The following SMIM22 variants were observed in gnomAD, a reference collection of about 807,000 sequenced individuals.
SMIM22 encodes small integral membrane protein 22.
SMIM22 carries 16 observed loss-of-function variants against 8.4 expected under a neutral mutation model. The ratio of observed to expected loss-of-function variants is 1.90; its 90% confidence interval spans 1.29 to 2.89. SMIM22 has a LOEUF of 2.89. SMIM22 is among the 30% of genes most tolerant of loss of function. SMIM22 has a pLI of 0.00. For synonymous variants in SMIM22, 67 were observed against 47.6 expected (o/e 1.41, Z -1.68); for missense variants, 159 against 107.5 (o/e 1.48, Z -2.12).
upstream of SMIM22, among the ~76,000 whole-genome samples, chr16:4,794,572 C>T (rs533487067): frequency 2.6e-5 from 4 of 152,252 alleles, no homozygotes; most frequent in Non-Finnish European, 5.9e-5. Context: ...AGGAATGTGC[C>T]ACCACGCCTG....
chr16:4,790,374 C>T (rs1048299406), upstream of SMIM22, among the ~76,000 whole-genome samples: 5 of 152,194 alleles, frequency 3.3e-5, no homozygotes, highest in Non-Finnish European at 5.9e-5. Context: ...GAAAGGTGGC[C>T]GTGGTTCCAG....
At chr16:4,792,416 T>A (rs563151680), upstream of SMIM22, among the ~76,000 whole-genome samples, 520 of 149,616 alleles carry the variant, frequency 3.5e-3, 9 homozygotes, top group Admixed American at 0.012. Context: ...GGTCTCGATC[T>A]CCTGACCTCG....
chr16:4,790,402 C>G (rs184151342), upstream of SMIM22, among the ~76,000 whole-genome samples: 97 of 152,310 alleles, frequency 6.4e-4, 1 homozygote, highest in African/African-American at 2.3e-3. Context: ...GAGCCCCAGG[C>G]CGACTTCTGC....
chr16:4,796,153 AGCGAACCT>A lies in SMIM22; in HGVS notation c.226-34_226-27del, dbSNP rs1596272229. On this transcript the variant is annotated intron_variant, in intron 3 of 3. Transcript: ENST00000586005. ...GTGCTCATCCCCCTAGGGAACAACG[AGCGAACCT>A]GCTTGGTCCCGCTGTGCTTCTCGTG... is the stretch of plus-strand genomic sequence containing the variant. The A allele has an allele frequency of 1.2e-5, 19 of 1,535,876 alleles. No individual in the cohort carries two copies. In the East Asian group the frequency reaches 4.4e-4, roughly 36 times the overall value.
chr16:4,791,968 T>A (rs529450540), upstream of SMIM22, among the ~76,000 whole-genome samples: 215 of 152,274 alleles, frequency 1.4e-3, 2 homozygotes, highest in South Asian at 9.5e-3. Context: ...ATTACTGGTG[T>A]GAGCCACCGC....
At chr16:4,795,615 G>T in intron 1 of SMIM22, 100 bp from the exon 2 acceptor site, 1 of 1,400,894 alleles carries the variant, frequency 7.1e-7, no homozygotes, top group Non-Finnish European at 9.4e-7. Flanking sequence ...AGCTGGCGCT[G>T]GGCCAGGAGC....
At chr16:4,793,901 C>T (rs1311110090), upstream of SMIM22, among the ~76,000 whole-genome samples, 1 of 151,308 alleles carries the variant, frequency 6.6e-6, no homozygotes, top group South Asian at 2.1e-4. Flanking sequence ...CTTGGCCTCC[C>T]GATTAGCTGG....
chr16:4,795,288 C>T (rs901953956), upstream of SMIM22: 1 of 167,700 alleles, frequency 6.0e-6, no homozygotes, highest in African/African-American at 2.4e-5. Context: ...AGGGAGCGCA[C>T]CTGCTGGGCC....
In SMIM22 at chr16:4,796,057, T is replaced by C; in HGVS notation, c.225+9T>C. 1 of 1,531,552 alleles carries C rather than the reference T, an allele frequency of 6.5e-7. No individual in the cohort carries two copies. The highest frequency in any genetic ancestry group is 1.2e-5 in the South Asian group (1 of 83,842). The allele number at this position is 1,531,552 out of a possible 1,614,324, so 94.9% of individuals were successfully genotyped here. A position where few individuals can be genotyped will look rare whatever the true frequency, so the allele number is the denominator to read the frequency against. On this transcript the variant is annotated intron_variant, in intron 3 of 3. Transcript: ENST00000586005. ...AGGTGAGCCCCTGGAAGGTGAGCCCTGCCGGCCTCTGGGACCTGCACGGAA... is the reference window on the plus strand; with the variant it reads ...AGGTGAGCCCCTGGAAGGTGAGCCCCGCCGGCCTCTGGGACCTGCACGGAA...
At chr16:4,790,443 T>C (rs2082534478), upstream of SMIM22, among the ~76,000 whole-genome samples, 1 of 152,212 alleles carries the variant, frequency 6.6e-6, no homozygotes, top group Non-Finnish European at 1.5e-5. Context: ...CTGCCAGTTC[T>C]TCCTTCTGGG....
chr16:4,793,477 C>T (rs1316954189), upstream of SMIM22, among the ~76,000 whole-genome samples: 1 of 152,102 alleles, frequency 6.6e-6, no homozygotes. Flanking sequence ...AGCAATAATA[C>T]CCACTTTAGG....
intron 1 of SMIM22, chr16:4,788,708 C>T (rs1003819685): frequency 2.0e-5 from 3 of 152,350 alleles, no homozygotes; most frequent in Admixed American, 6.5e-5. Flanking sequence ...AGTCCTGACT[C>T]TGCACATGGC....
At chr16:4,793,619 A>G (rs1283288065), upstream of SMIM22, among the ~76,000 whole-genome samples, 1 of 152,226 alleles carries the variant, frequency 6.6e-6, no homozygotes, top group Non-Finnish European at 1.5e-5. Flanking sequence ...GGCCTTCCGT[A>G]TCCACAGGTT....
chr16:4,795,958 G>A lies in SMIM22; in HGVS notation c.135G>A (p.Leu45=). The change falls in exon 3 of 4, where the codon CTG becomes CTA. Residue 45 remains leucine (L), a synonymous_variant. Coordinates refer to ENST00000586005, the MANE Select transcript of SMIM22 (RefSeq NM_001253794.2). ...CTGTCCTGTCCCCAGGCACCGTGCT[G>A]CTCCTGCTGCTGCTGGTCGTCGCCC... ...IVFLTFMGTV[L]LLLLLVVAHC... 6.6e-7 allele frequency: 1 copy of A among 1,508,032 alleles called. No individual in the cohort carries two copies. Among genetic ancestry groups the A allele is most frequent in the Non-Finnish European group, 8.8e-7 (1 of 1,132,308 alleles). The allele number at this position is 1,508,032 out of a possible 1,614,324, so 93.4% of individuals were successfully genotyped here.
chr16:4,793,062 T>C (rs1296020681), upstream of SMIM22, among the ~76,000 whole-genome samples: 4 of 136,276 alleles, frequency 2.9e-5, no homozygotes, highest in Non-Finnish European at 6.0e-5. Context: ...TGAGCCGAGA[T>C]GGCGCCACTG....
upstream of SMIM22, among the ~76,000 whole-genome samples, chr16:4,793,432 C>T (rs185884094): frequency 2.6e-5 from 4 of 152,166 alleles, no homozygotes; most frequent in Non-Finnish European, 5.9e-5. Flanking sequence ...CTAAACTTCT[C>T]TAGGCCTCCG....
rs1478663329 is a variant in SMIM22 at position 4,795,817 on chromosome 16, C to T, written c.83C>T (p.Thr28Ile). The change falls in exon 2 of 4, where the codon ACA becomes ATA. Residue 28 changes from threonine (T) to isoleucine (I), a missense_variant. Transcript: ENST00000586005. ...AAGAGCCACCAGTTTTTCCAGTCCA[C>T]ATGGGACACTGTTGCCTTCATTGTT... ...RLKSHQFFQS[T>I]WDTVAFIVFL... is the part of the protein sequence containing the mutation. The T allele has an allele frequency of 6.5e-7, 1 of 1,535,966 alleles. No individual in the cohort carries two copies. Among genetic ancestry groups the T allele is most frequent in the South Asian group, 1.2e-5 (1 of 84,060 alleles).
At position 4,796,063 on chromosome 16, in the gene SMIM22, C is replaced by T; in HGVS notation, c.225+15C>T. 2 of 1,531,994 alleles carry T rather than the reference C, an allele frequency of 1.3e-6. No individual in the cohort carries two copies. Among genetic ancestry groups the T allele is most frequent in the South Asian group, 2.4e-5 (2 of 83,892 alleles). The allele number at this position is 1,531,994 out of a possible 1,614,324, so 94.9% of individuals were successfully genotyped here. ...GCCCCTGGAAGGTGAGCCCTGCCGG[C>T]CTCTGGGACCTGCACGGAACTGTAC... On this transcript the variant is annotated intron_variant, in intron 3 of 3. Coordinates refer to ENST00000586005, the MANE Select transcript of SMIM22 (RefSeq NM_001253794.2).
At chr16:4,795,589 T>G (rs1466477372) in intron 1 of SMIM22, 126 bp from the exon 2 acceptor site, 127 of 1,042,700 alleles carry the variant, frequency 1.2e-4, no homozygotes, top group African/African-American at 8.1e-4. Flanking sequence ...AGAAGTGGAG[T>G]GGGAGGGGGT....
Sources: allele counts gnomAD v4.1 joint callset (sites outside exome capture counted in the v4.1 genomes callset), GRCh38; gene constraint gnomAD v4.1.1; transcripts MANE v1.5; gene names NCBI Gene and HGNC (gene_info 2026-07-23, HGNC 2026-07-21).